Variants in LANCL2 observed in about 807,000 individuals in gnomAD.
LANCL2 encodes lanC-like protein 2.
In LANCL2, 33 loss-of-function variants were observed where a neutral mutation model predicts 56.9. That is an observed-to-expected ratio of 0.58 (90% CI 0.44 to 0.78). The LOEUF (loss-of-function observed/expected upper bound fraction) is 0.78, where lower values mean the gene tolerates loss of function less well. Among genes scored for constraint, LANCL2 ranks in the 30% least tolerant of loss-of-function variants. The probability of loss-of-function intolerance (pLI) is 0.00; values close to 1 mark genes in which losing one functional copy is unlikely to be tolerated. For missense variants in LANCL2, 562 were observed against 580.2 expected (o/e 0.97, Z 0.32); for synonymous variants, 233 against 228.2 (o/e 1.02, Z -0.19).
intron 6 of LANCL2, among the ~76,000 whole-genome samples, chr7:55,416,321 C>G (rs139197086): frequency 6.6e-6 from 1 of 152,246 alleles, no homozygotes. Context: ...GGGTCTTGCA[C>G]TGTCACCCAG....
chr7:55,372,208 G>A (rs1402431385), intron 1 of LANCL2, among the ~76,000 whole-genome samples: 3 of 152,158 alleles, frequency 2.0e-5, no homozygotes, highest in Admixed American at 6.5e-5. Flanking sequence ...AGATATTGAC[G>A]TGGAAGGGTA....
chr7:55,386,009 C>G (rs1790121323), intron 1 of LANCL2, among the ~76,000 whole-genome samples: 1 of 152,208 alleles, frequency 6.6e-6, no homozygotes, highest in African/African-American at 2.4e-5. Context: ...AAATGTGGCT[C>G]TGTTCTGCCC....
Position 55,431,351 on chromosome 7 carries a change from T to G in LANCL2, c.*31T>G, listed in dbSNP as rs1790725208. The stretch of plus-strand genomic sequence containing the variant: ...GCAAAAAGACAACTAAAATACCCAT[T>G]TGGACCAAAAGCCACCAGATTGCTT... On this transcript the variant is annotated 3_prime_UTR_variant, in exon 9 of 9. Transcript: ENST00000254770. The G allele has an allele frequency of 1.9e-6, 3 of 1,556,124 alleles. No homozygotes were observed. The highest frequency in any genetic ancestry group is 3.6e-5 in the Admixed American group (2 of 56,256).
At chr7:55,428,297 G>A in intron 7 of LANCL2, 78 bp from the exon 8 acceptor site, 1 of 1,290,788 alleles carries the variant, frequency 7.7e-7, no homozygotes, top group Admixed American at 1.7e-5. Context: ...TGATGCCTGT[G>A]AAGACATTGC....
At chr7:55,421,290 TAGAG>T (rs1323864946) in intron 6 of LANCL2, among the ~76,000 whole-genome samples, 1 of 148,412 alleles carries the variant, frequency 6.7e-6, no homozygotes, top group Non-Finnish European at 1.5e-5. Flanking sequence ...TTTAGGGAGG[TAGAG>T]AGATTAGTTG....
At chr7:55,422,768 CTG>C (rs1281868845) in intron 6 of LANCL2, among the ~76,000 whole-genome samples, 1 of 152,210 alleles carries the variant, frequency 6.6e-6, no homozygotes, top group Non-Finnish European at 1.5e-5. Context: ...CCCTTTGTTT[CTG>C]TCTTATTCTC....
intron 2 of LANCL2, among the ~76,000 whole-genome samples, chr7:55,396,353 T>C (rs1039107397): frequency 2.0e-5 from 3 of 152,240 alleles, no homozygotes; most frequent in Non-Finnish European, 4.4e-5. Flanking sequence ...TGACAAGCCC[T>C]GCCCTCTGGA....
At chr7:55,395,187 A>G (rs1379378769) in intron 2 of LANCL2, among the ~76,000 whole-genome samples, 16 of 152,262 alleles carry the variant, frequency 1.1e-4, no homozygotes, top group Non-Finnish European at 1.8e-4. Context: ...GTTGATATAG[A>G]AAAATTCAAT....
chr7:55,414,288 G>T (rs1176547723), intron 6 of LANCL2, among the ~76,000 whole-genome samples: 3 of 149,874 alleles, frequency 2.0e-5, no homozygotes, highest in African/African-American at 7.4e-5. Context: ...GTTCAGTGGG[G>T]GAGGCAAAAC....
chr7:55,408,930 C>T (rs1790441091), intron 5 of LANCL2, among the ~76,000 whole-genome samples: 3 of 147,266 alleles, frequency 2.0e-5, no homozygotes, highest in Non-Finnish European at 3.0e-5. Context: ...TGCAGTGAGC[C>T]GAGATCGTGC....
intron 5 of LANCL2, among the ~76,000 whole-genome samples, chr7:55,402,883 C>T (rs1274762811): frequency 3.5e-5 from 5 of 144,770 alleles, no homozygotes; most frequent in South Asian, 2.1e-4. Flanking sequence ...AGACGATGGG[C>T]GGCCTGGCAG....
intron 6 of LANCL2, among the ~76,000 whole-genome samples, chr7:55,416,991 T>G (rs1285580099): frequency 7.1e-6 from 1 of 141,264 alleles, no homozygotes; most frequent in Non-Finnish European, 1.5e-5. Flanking sequence ...TTTTTTTTTT[T>G]TTTTTGGAGA....
At chr7:55,424,329 A>G (rs957428931) in intron 6 of LANCL2, among the ~76,000 whole-genome samples, 2 of 151,994 alleles carry the variant, frequency 1.3e-5, no homozygotes, top group African/African-American at 2.4e-5. Context: ...CATATAAACA[A>G]CTCAGGGAGG....
At chr7:55,402,480 T>TTA (rs1403502832) in intron 5 of LANCL2, among the ~76,000 whole-genome samples, 1 of 124,958 alleles carries the variant, frequency 8.0e-6, no homozygotes, top group South Asian at 2.7e-4. Context: ...GAGGGGCTCC[T>TTA]CTCCTCCCAG....
chr7:55,395,886 A>C (rs1790246297), intron 2 of LANCL2, among the ~76,000 whole-genome samples: 1 of 152,216 alleles, frequency 6.6e-6, no homozygotes, highest in African/African-American at 2.4e-5. Context: ...TTCATTGTGC[A>C]GATATAGAGG....
chr7:55,414,195 A>G (rs1433128355), intron 6 of LANCL2, among the ~76,000 whole-genome samples: 1 of 152,182 alleles, frequency 6.6e-6, no homozygotes, highest in East Asian at 1.9e-4. Context: ...GCCAGCGGAG[A>G]AACAGACCCT....
chr7:55,431,944 T>C lies in LANCL2; in HGVS notation c.*624T>C, dbSNP rs1457395903. ...TTCGTGTTTTAAAGAAGCCTCAGAG[T>C]GCATTGCAGCTCTGTCAGGGCCCCA... On this transcript the variant is annotated 3_prime_UTR_variant, in exon 9 of 9. Transcript: ENST00000254770. 1 of 152,268 alleles carries C rather than the reference T, an allele frequency of 6.6e-6. No individual in the cohort carries two copies. The highest frequency in any genetic ancestry group is 1.5e-5 in the Non-Finnish European group (1 of 68,114). The allele number at this position is 152,268 out of a possible 1,614,324, so 9.4% of individuals were successfully genotyped here. A position where few individuals can be genotyped will look rare whatever the true frequency, so the allele number is the denominator to read the frequency against.
chr7:55,380,800 G>GTA (rs2128991751), intron 1 of LANCL2, among the ~76,000 whole-genome samples: 1 of 151,234 alleles, frequency 6.6e-6, no homozygotes, highest in African/African-American at 2.4e-5. Context: ...GTGTTACAGT[G>GTA]TATGATTGGA....
intron 1 of LANCL2, among the ~76,000 whole-genome samples, chr7:55,390,293 G>A (rs1308499282): frequency 1.3e-5 from 2 of 152,112 alleles, no homozygotes; most frequent in African/African-American, 4.8e-5. Context: ...AATTAATAGA[G>A]CAAGTAGATT....
Sources: gnomAD v4.1 joint callset for allele counts (sites outside exome capture counted in the v4.1 genomes callset) on GRCh38, gnomAD v4.1.1 for gene constraint, MANE v1.5 for transcripts, NCBI Gene and HGNC (gene_info 2026-07-23, HGNC 2026-07-21) for gene names.